The following CAMTA1 variants were observed in gnomAD, a reference collection of about 807,000 sequenced individuals.
CAMTA1 encodes the protein calmodulin-binding transcription activator 1.
CAMTA1 carries 27 observed loss-of-function variants against 170.9 expected under a neutral mutation model. The ratio of observed to expected loss-of-function variants is 0.16; its 90% CI spans 0.12 to 0.22. The LOEUF (loss-of-function observed/expected upper bound fraction) is 0.22. CAMTA1 is among the 10% of genes least tolerant of loss of function. The probability of loss-of-function intolerance (pLI) is 1.00; values close to 1 mark genes in which losing one functional copy is unlikely to be tolerated. For synonymous variants in CAMTA1, 833 were observed against 891.5 expected (o/e 0.93, Z 1.17); for missense variants, 1,619 against 2,217.2 (o/e 0.73, Z 5.42).
rs970303299 is a variant in CAMTA1 at position 7,642,478 on chromosome 1, G to C, written c.664+1925G>C. 1.2e-4 allele frequency among the ~76,000 whole-genome samples: 19 copies of C among 152,180 alleles called. No individual in the cohort carries two copies. Among genetic ancestry groups the C allele is most frequent in the African/African-American group, 4.6e-4 (19 of 41,450 alleles). The stretch of plus-strand genomic sequence containing the variant: ...GGGCACCGGTGCTGCGGGCCCTGCT[G>C]TCAGGCCCGCCTGCCTGCCTTCGTA... On this transcript the variant is annotated intron_variant, in intron 7 of 22. Coordinates refer to ENST00000303635, the MANE Select transcript of CAMTA1 (RefSeq NM_015215.4). This position sits in a 1 kb window ranked among gnomAD's most constrained non-coding sequence, Gnocchi z 6.3.
At chr1:7,072,647 C>T (rs1638795292) in intron 3 of CAMTA1, among the ~76,000 whole-genome samples, 1 of 152,154 alleles carries the variant, frequency 6.6e-6, no homozygotes, top group Admixed American at 6.5e-5. Context: ...GAGGGCCAGG[C>T]AGTGTGTCAG....
intron 3 of CAMTA1, among the ~76,000 whole-genome samples, chr1:6,973,684 T>C (rs574875575): frequency 6.6e-6 from 1 of 152,318 alleles, no homozygotes; most frequent in Admixed American, 6.5e-5. Context: ...ATCTTGACAG[T>C]GGCCACGATT....
chr1:7,725,817 G>C (rs905767693), intron 11 of CAMTA1, among the ~76,000 whole-genome samples: 4 of 152,208 alleles, frequency 2.6e-5, no homozygotes, highest in African/African-American at 9.7e-5. Flanking sequence ...CCTAAAGTTT[G>C]AGAACCTCTG....
intron 3 of CAMTA1, among the ~76,000 whole-genome samples, chr1:6,981,286 C>G (rs573121073): frequency 6.6e-6 from 1 of 152,254 alleles, no homozygotes; most frequent in East Asian, 1.9e-4. Context: ...GTAGCACGTG[C>G]TCCTTGAAGA....
chr1:7,101,663 CACACACA>C (rs1020448177), intron 4 of CAMTA1, among the ~76,000 whole-genome samples: 1 of 150,780 alleles, frequency 6.6e-6, no homozygotes, highest in Non-Finnish European at 1.5e-5. Flanking sequence ...TATGCACATA[CACACACA>C]GCACACATGT....
At chr1:7,227,579 T>G (rs1459265516) in intron 4 of CAMTA1, among the ~76,000 whole-genome samples, 2 of 152,212 alleles carry the variant, frequency 1.3e-5, no homozygotes, top group Non-Finnish European at 2.9e-5. Context: ...TCCACCTGCC[T>G]CAGCCTCCCA....
chr1:6,838,448 C>T (rs2148665457), intron 3 of CAMTA1, among the ~76,000 whole-genome samples: 1 of 152,256 alleles, frequency 6.6e-6, no homozygotes, highest in South Asian at 2.1e-4. Flanking sequence ...GGAGCTCTTT[C>T]CAGGTAGAAG....
chr1:7,594,238 G>GAAGGAAGA (rs1336561513), intron 6 of CAMTA1, among the ~76,000 whole-genome samples: 72 of 147,958 alleles, frequency 4.9e-4, no homozygotes, highest in Non-Finnish European at 9.7e-4. Context: ...AGGAAGGAAG[G>GAAGGAAGA]AAGAAAGAAA....
intron 4 of CAMTA1, among the ~76,000 whole-genome samples, chr1:7,246,456 C>T (rs1665791953): frequency 6.6e-6 from 1 of 152,076 alleles, no homozygotes; most frequent in African/African-American, 2.4e-5. Context: ...CCATGCCTGC[C>T]CCATGAAGCT....
Position 7,173,977 on chromosome 1 carries a change from G to A in CAMTA1, c.303-75514G>A, listed in dbSNP as rs1245800979. On this transcript the variant is annotated intron_variant, in intron 4 of 22. Transcript: ENST00000303635. This position sits in a 1 kb window ranked among gnomAD's most constrained non-coding sequence, Gnocchi z 5.4. ...ACCATGGGTTACCTTTGACACCAAG[G>A]TTCCCCCACCCCTACCCTTCAAGAT... Among the ~76,000 whole-genome samples, 1 of 152,030 alleles carries A rather than the reference G, an allele frequency of 6.6e-6. No homozygotes were observed. The highest frequency in any genetic ancestry group is 1.5e-5 in the Non-Finnish European group (1 of 68,002).
intron 4 of CAMTA1, among the ~76,000 whole-genome samples, chr1:7,099,414 A>G (rs1316615139): frequency 6.6e-6 from 1 of 152,144 alleles, no homozygotes; most frequent in Admixed American, 6.5e-5. Context: ...AATGGCCCTA[A>G]AAAACTTGTA....
intron 3 of CAMTA1, among the ~76,000 whole-genome samples, chr1:7,052,857 C>T (rs758787294): frequency 3.9e-5 from 6 of 152,208 alleles, no homozygotes; most frequent in African/African-American, 1.2e-4. Flanking sequence ...GTCTGGCTCT[C>T]TGGTCTCTTG....
chr1:7,403,349 C>G (rs2090049024), intron 5 of CAMTA1, among the ~76,000 whole-genome samples: 1 of 151,464 alleles, frequency 6.6e-6, no homozygotes. Context: ...AACTCCATCT[C>G]AAAAAAAAGA....
intron 5 of CAMTA1, among the ~76,000 whole-genome samples, chr1:7,412,898 G>T (rs1324320015): frequency 1.3e-5 from 2 of 152,092 alleles, no homozygotes; most frequent in South Asian, 2.1e-4. Flanking sequence ...GGTCTAACAT[G>T]TAAGTCTTTA....
At chr1:7,217,278 T>A (rs1393272927) in intron 4 of CAMTA1, among the ~76,000 whole-genome samples, 1 of 152,252 alleles carries the variant, frequency 6.6e-6, no homozygotes, top group East Asian at 1.9e-4. Context: ...TTGCATCCTC[T>A]TCTGCCATGA....
At chr1:6,862,569 A>G (rs1665157912) in intron 3 of CAMTA1, among the ~76,000 whole-genome samples, 1 of 151,966 alleles carries the variant, frequency 6.6e-6, no homozygotes, top group South Asian at 2.1e-4. Context: ...AGCTTCCATT[A>G]TTCCGCCAAA....
At chr1:6,799,760 T>C (rs1007068311) in intron 1 of CAMTA1, among the ~76,000 whole-genome samples, 3 of 152,028 alleles carry the variant, frequency 2.0e-5, no homozygotes, top group Non-Finnish European at 4.4e-5. Context: ...GTAATAAAAG[T>C]TGTGTGAATG....
chr1:7,707,211 G>T (rs2149603804), intron 11 of CAMTA1, among the ~76,000 whole-genome samples: 1 of 152,186 alleles, frequency 6.6e-6, no homozygotes, highest in South Asian at 2.1e-4. Flanking sequence ...TTCTATTTAG[G>T]ACTGAACTGG....
intron 6 of CAMTA1, among the ~76,000 whole-genome samples, chr1:7,493,504 AAC>A (rs143943402): frequency 1.6e-4 from 24 of 151,942 alleles, no homozygotes; most frequent in South Asian, 6.3e-4. Flanking sequence ...TAACCATACA[AAC>A]ACACACACGC....
Sources: gnomAD v4.1 joint callset for allele counts (sites outside exome capture counted in the v4.1 genomes callset) on GRCh38, gnomAD v4.1.1 for gene constraint, Gnocchi (gnomAD v3.1) non-coding constraint, MANE v1.5 for transcripts, NCBI Gene and HGNC (gene_info 2026-07-23, HGNC 2026-07-21) for gene names.